The following ACACA variants were observed in gnomAD, a reference collection of about 807,000 sequenced individuals.
The protein encoded by ACACA is acetyl-CoA carboxylase 1.
Under a neutral mutation model 296.1 loss-of-function variants are expected in ACACA, and 103 were observed. That is an observed-to-expected ratio of 0.35 (90% confidence interval 0.30 to 0.41). The LOEUF is 0.41. ACACA is among the 10% of genes least tolerant of loss of function. The pLI is 1.00. For synonymous variants in ACACA, 953 were observed against 1,038.6 expected (o/e 0.92, Z 1.58); for missense variants, 1,554 against 2,989.7 (o/e 0.52, Z 11.20).
intron 3 of ACACA, among the ~76,000 whole-genome samples, chr17:37,324,928 GCA>G (rs551782214): frequency 9.9e-4 from 148 of 150,162 alleles, no homozygotes; most frequent in African/African-American, 3.4e-3. Context: ...GGTGGGCTGG[GCA>G]CAGTGGCTCA....
At chr17:37,384,256 A>G in intron 1 of ACACA, among the ~76,000 whole-genome samples, 1 of 152,236 alleles carries the variant, frequency 6.6e-6, no homozygotes, top group East Asian at 1.9e-4. Flanking sequence ...ATGTTCTGCA[A>G]TACAAATGCT....
intron 1 of ACACA, among the ~76,000 whole-genome samples, chr17:37,372,196 G>A (rs575180272): frequency 2.6e-5 from 4 of 152,164 alleles, no homozygotes; most frequent in South Asian, 4.2e-4. Flanking sequence ...GGTGGATCAC[G>A]AGGTCAGGAG....
At chr17:37,215,179 A>G (rs887110038) in intron 29 of ACACA, among the ~76,000 whole-genome samples, 12 of 152,328 alleles carry the variant, frequency 7.9e-5, no homozygotes, top group South Asian at 4.1e-4. Context: ...TTAAAACATT[A>G]TAACACAGAA....
At chr17:37,243,320 A>C in intron 22 of ACACA, 51 bp downstream of exon 22, 1 of 1,540,254 alleles carries the variant, frequency 6.5e-7, no homozygotes, top group Non-Finnish European at 9.0e-7. Flanking sequence ...CCTACAACAT[A>C]AACTCTGGCA....
At chr17:37,139,526 C>T (rs1597941702) in intron 45 of ACACA, among the ~76,000 whole-genome samples, 1 of 152,334 alleles carries the variant, frequency 6.6e-6, no homozygotes, top group South Asian at 2.1e-4. Flanking sequence ...CCTAAGTCTA[C>T]ATCACCTTTA....
At chr17:37,178,087 G>A (rs1051775839) in intron 41 of ACACA, among the ~76,000 whole-genome samples, 1 of 152,140 alleles carries the variant, frequency 6.6e-6, no homozygotes, top group South Asian at 2.1e-4. Context: ...AATCTTTCTA[G>A]GGATTATATT....
intron 1 of ACACA, among the ~76,000 whole-genome samples, chr17:37,340,236 C>T (rs909055266): frequency 6.6e-6 from 1 of 152,162 alleles, no homozygotes; most frequent in Non-Finnish European, 1.5e-5. Context: ...ATTATGTTTA[C>T]AAGCGGTTAC....
intron 1 of ACACA, chr17:37,389,343 C>G: frequency 6.3e-7 from 1 of 1,589,244 alleles, no homozygotes; most frequent in South Asian, 1.2e-5. Context: ...GAATCCAAGC[C>G]TGACTCTCAG....
At chr17:37,244,369 G>GAAAA in intron 21 of ACACA, among the ~76,000 whole-genome samples, 1 of 144,190 alleles carries the variant, frequency 6.9e-6, no homozygotes, top group Non-Finnish European at 1.5e-5. Flanking sequence ...CCGTCTCGAG[G>GAAAA]AAAAAAAAAA....
intron 3 of ACACA, among the ~76,000 whole-genome samples, chr17:37,287,615 C>T (rs1275498607): frequency 6.7e-6 from 1 of 149,772 alleles, no homozygotes; most frequent in Non-Finnish European, 1.5e-5. Context: ...TGGTGGTGCA[C>T]GTCTGTAATC....
At chr17:37,101,387 C>T (rs1334735029) in intron 52 of ACACA, among the ~76,000 whole-genome samples, 1 of 152,178 alleles carries the variant, frequency 6.6e-6, no homozygotes, top group East Asian at 1.9e-4. Context: ...GGGTACTGGG[C>T]ACCATTCTAA....
chr17:37,102,720 G>A lies in ACACA; in HGVS notation c.6566-4736C>T, dbSNP rs2073437567. On this transcript the variant is annotated intron_variant, in intron 52 of 55. Transcript: ENST00000616317. ...GAAGAGGGAGCAGCTACGGGCTGAG[G>A]ACAGTGTTTCAGAAACCAGGCTTTG... Among the ~76,000 whole-genome samples the A allele has an allele frequency of 2.0e-5, 3 of 152,252 alleles. No individual in the cohort carries two copies. The South Asian group carries it at 6.2e-4, about 31-fold the overall frequency.
At chr17:37,368,841 A>T (rs1383357610) in intron 1 of ACACA, 2 of 152,218 alleles carry the variant, frequency 1.3e-5, no homozygotes, top group Non-Finnish European at 2.9e-5. Context: ...CATGTGTAAT[A>T]GTAGGAACCT....
In ACACA at chr17:37,245,187, C is replaced by T. The variant is rs750783133; in HGVS notation, c.2488G>A (p.Ala830Thr). Residue 830 changes from alanine (A) to threonine (T), a missense_variant, in exon 20 of 56, where the codon GCT becomes ACT. This residue lies in a region of ACACA where 316 missense variants were observed against 540.9 expected (regional missense o/e 0.58). Coordinates refer to ENST00000616317, the MANE Select transcript of ACACA (RefSeq NM_198834.3). ...TAATGGATACAGCCAGACTCCACAG[C>T]TGTTAAGGTCATTACCATCTTCATT... is the stretch of plus-strand genomic sequence containing the variant. ...EVMKMVMTLT[A>T]VESGCIHYVK... 8 of 1,614,102 alleles carry T rather than the reference C, an allele frequency of 5.0e-6. No individual in the cohort carries two copies. The East Asian group carries it at 1.6e-4, about 31-fold the overall frequency.
chr17:37,195,081 G>A lies in ACACA; in HGVS notation c.4159-1666C>T, dbSNP rs867600947. On this transcript the variant is annotated intron_variant, in intron 35 of 55. Transcript: ENST00000616317. ...ATTCTAGTGAGGTACAGCTTTCAGA[G>A]CATTACCTAAAAAGTAACAAATGTC... Among the ~76,000 whole-genome samples the A allele has an allele frequency of 2.6e-5, 4 of 152,174 alleles. No individual in the cohort carries two copies. The Middle Eastern group carries it at 0.014, about 518-fold the overall frequency.
chr17:37,310,891 G>T (rs1437044500), intron 3 of ACACA, among the ~76,000 whole-genome samples: 2 of 152,022 alleles, frequency 1.3e-5, no homozygotes, highest in Admixed American at 1.3e-4. Flanking sequence ...CTCAAAGGTT[G>T]CATGAAAGCA....
rs183574749 is a variant in ACACA, at chr17:37,097,390, C to T, written c.6721-224G>A. On this transcript the variant is annotated intron_variant, in intron 53 of 55. Coordinates refer to ENST00000616317, the MANE Select transcript of ACACA (RefSeq NM_198834.3). This position sits in a 1 kb window ranked among gnomAD's most constrained non-coding sequence, Gnocchi z 4.8. ...TGCACAGCCATGGGCCTGGCTAATGCTGATCCCACACATGGCTGAGATGTT... is the reference window on the plus strand; with the variant it reads ...TGCACAGCCATGGGCCTGGCTAATGTTGATCCCACACATGGCTGAGATGTT... Among the ~76,000 whole-genome samples, 1 of 152,346 alleles carries T rather than the reference C, an allele frequency of 6.6e-6. No homozygotes were observed. Among genetic ancestry groups the T allele is most frequent in the East Asian group, 1.9e-4 (1 of 5,174 alleles).
chr17:37,251,946 C>T, intron 16 of ACACA, 59 bp downstream of exon 16: 1 of 1,467,190 alleles, frequency 6.8e-7, no homozygotes, highest in Non-Finnish European at 9.6e-7. Flanking sequence ...CTTTGAGCTT[C>T]AGTCCCTGTA....
In ACACA at chr17:37,086,526, C is replaced by G. The variant is rs1418654028; in HGVS notation, c.*790G>C. The G allele has an allele frequency of 6.6e-6, 1 of 152,478 alleles. No individual in the cohort carries two copies. Among genetic ancestry groups the G allele is most frequent in the Non-Finnish European group, 1.5e-5 (1 of 68,258 alleles). 9.4% of individuals were successfully genotyped at this position (152,478 alleles called of 1,614,324 possible). ...ACTGCTGGGGCCCCTCAAGCACTGG[C>G]CTTGCAGCTCCCAGCCACATGCGAC... On this transcript the variant is annotated 3_prime_UTR_variant, in exon 56 of 56. Transcript: ENST00000616317.
Sources: allele counts gnomAD v4.1 joint callset (sites outside exome capture counted in the v4.1 genomes callset), GRCh38; gene constraint gnomAD v4.1.1; regional missense constraint gnomAD v4.1.1; non-coding constraint Gnocchi (gnomAD v3.1); transcripts MANE v1.5; gene names NCBI Gene and HGNC (gene_info 2026-07-23, HGNC 2026-07-21).